ASAP1: variants seen among roughly 807,000 people sequenced by gnomAD.
The protein encoded by ASAP1 is ArfGAP with SH3 domain, ankyrin repeat and PH domain 1.
In ASAP1, 43 loss-of-function variants were observed where a neutral mutation model predicts 145.2. That is an observed-to-expected ratio of 0.30 (90% CI 0.23 to 0.38). The LOEUF (loss-of-function observed/expected upper bound fraction) is 0.38. ASAP1 is among the 10% of genes least tolerant of loss of function. The pLI, the probability that ASAP1 is intolerant of heterozygous loss-of-function variation, is 1.00. For synonymous variants in ASAP1, 546 were observed against 515.5 expected (o/e 1.06, Z -0.80); for missense variants, 1,018 against 1,355.3 (o/e 0.75, Z 3.91).
At chr8:130,057,717 G>C (rs367923041) in intron 29 of ASAP1, among the ~76,000 whole-genome samples, 2 of 152,324 alleles carry the variant, frequency 1.3e-5, no homozygotes, top group African/African-American at 4.8e-5. Flanking sequence ...CAAAGTGCTG[G>C]GATTACAGGC....
At chr8:130,236,609 A>G (rs1401157413) in intron 4 of ASAP1, among the ~76,000 whole-genome samples, 1 of 152,174 alleles carries the variant, frequency 6.6e-6, no homozygotes, top group Non-Finnish European at 1.5e-5. Flanking sequence ...CCACTGAGTT[A>G]CAGGTTGACC....
At chr8:130,437,386 C>T (rs1830349726) in intron 1 of ASAP1, among the ~76,000 whole-genome samples, 1 of 152,174 alleles carries the variant, frequency 6.6e-6, no homozygotes, top group Admixed American at 6.5e-5. Flanking sequence ...TCTACGAGAC[C>T]CTTGTGCTGG....
In ASAP1 at chr8:130,189,578, C is replaced by T. The variant is rs1425912287; in HGVS notation, c.406-1395G>A. Reference sequence around the variant, plus strand: ...TGTTGATGGACACTTAGGTTGATTCCGTATCTTGGCTACTGTGAATAGTGC... The same window carrying T: ...TGTTGATGGACACTTAGGTTGATTCTGTATCTTGGCTACTGTGAATAGTGC... On this transcript the variant is annotated intron_variant, in intron 5 of 29. Transcript: ENST00000518721. Among the ~76,000 whole-genome samples the T allele has an allele frequency of 6.6e-5, 10 of 152,134 alleles. No individual in the cohort carries two copies. In the East Asian group the frequency reaches 7.7e-4, roughly 12 times the overall value.
At chr8:130,150,545 G>A (rs948264113) in intron 13 of ASAP1, among the ~76,000 whole-genome samples, 1 of 152,118 alleles carries the variant, frequency 6.6e-6, no homozygotes, top group Non-Finnish European at 1.5e-5. Flanking sequence ...AAATCCCAGG[G>A]GAGAGCTCTG....
In ASAP1 at chr8:130,205,692, A is replaced by G. The variant is rs573220591; in HGVS notation, c.405+8864T>C. Among the ~76,000 whole-genome samples, 9 of 150,108 alleles carry G rather than the reference A, an allele frequency of 6.0e-5. No homozygotes were observed. In the South Asian group the frequency reaches 1.9e-3, roughly 32 times the overall value. ...TGACTAGACTTGAGGTGGGGCACCT[A>G]ATAGTCTTTATATATCAGACTTCAT... On this transcript the variant is annotated intron_variant, in intron 5 of 29. Transcript: ENST00000518721.
chr8:130,135,093 A>G (rs1565000919), intron 14 of ASAP1, among the ~76,000 whole-genome samples: 2 of 152,194 alleles, frequency 1.3e-5, no homozygotes. Context: ...TTCTCAATAT[A>G]TTCAGGTCAA....
At chr8:130,282,908 A>G (rs1226886777) in intron 3 of ASAP1, among the ~76,000 whole-genome samples, 1 of 152,228 alleles carries the variant, frequency 6.6e-6, no homozygotes, top group Admixed American at 6.5e-5. Context: ...CAAAGTTACA[A>G]CAACCTTCAT....
At chr8:130,231,841 C>T (rs1817925213) in intron 4 of ASAP1, among the ~76,000 whole-genome samples, 1 of 152,214 alleles carries the variant, frequency 6.6e-6, no homozygotes, top group Non-Finnish European at 1.5e-5. Context: ...AAGCTCTTTT[C>T]TCAAGCCACA....
At chr8:130,302,570 T>C (rs1014222137) in intron 3 of ASAP1, among the ~76,000 whole-genome samples, 5 of 152,206 alleles carry the variant, frequency 3.3e-5, no homozygotes, top group African/African-American at 1.2e-4. Flanking sequence ...AAGTTCTTTA[T>C]CCAGATCAGC....
At chr8:130,095,117 T>A (rs2097514488) in intron 24 of ASAP1, among the ~76,000 whole-genome samples, 1 of 152,144 alleles carries the variant, frequency 6.6e-6, no homozygotes, top group African/African-American at 2.4e-5. Context: ...TCTGACTTCC[T>A]TCATATTGCT....
At chr8:130,227,148 A>G (rs1449301420) in intron 4 of ASAP1, among the ~76,000 whole-genome samples, 3 of 152,208 alleles carry the variant, frequency 2.0e-5, no homozygotes, top group Non-Finnish European at 4.4e-5. Flanking sequence ...CTTATAAATT[A>G]TATGTAAAAT....
At chr8:130,178,611 A>C (rs998385915) in intron 9 of ASAP1, among the ~76,000 whole-genome samples, 2 of 152,248 alleles carry the variant, frequency 1.3e-5, no homozygotes, top group African/African-American at 4.8e-5. Flanking sequence ...TGAAGACTCC[A>C]GGTGGAAATA....
rs1024281909 is a variant in ASAP1, at chr8:130,265,437, G to A, written c.187-28443C>T. 2.6e-5 allele frequency among the ~76,000 whole-genome samples: 4 copies of A among 152,062 alleles called. No homozygotes were observed. The South Asian group carries it at 6.2e-4, about 24-fold the overall frequency. On this transcript the variant is annotated intron_variant, in intron 3 of 29. Transcript: ENST00000518721. ...ATTTTTAAAAAAGTAACAGGGTGTGGTGGTACACACCTACAGTCCCAGTGA... is the reference window on the plus strand; with the variant it reads ...ATTTTTAAAAAAGTAACAGGGTGTGATGGTACACACCTACAGTCCCAGTGA...
At chr8:130,344,110 G>C (rs1825556435) in intron 3 of ASAP1, among the ~76,000 whole-genome samples, 1 of 152,170 alleles carries the variant, frequency 6.6e-6, no homozygotes, top group African/African-American at 2.4e-5. Context: ...CAGGGTTGCA[G>C]TCAACACTAT....
At chr8:130,315,020 C>T (rs566064489) in intron 3 of ASAP1, among the ~76,000 whole-genome samples, 13 of 152,210 alleles carry the variant, frequency 8.5e-5, no homozygotes, top group Non-Finnish European at 1.5e-4. Flanking sequence ...CTACTGTCTG[C>T]TCCCGTCACA....
chr8:130,128,191 T>C, intron 15 of ASAP1, 101 bp from the exon 16 acceptor site: 1 of 821,232 alleles, frequency 1.2e-6, no homozygotes, highest in Non-Finnish European at 1.7e-6. Context: ...AAAATCTACT[T>C]TTGTCAAGTA....
At chr8:130,176,825 G>T (rs1813988957) in intron 9 of ASAP1, among the ~76,000 whole-genome samples, 1 of 151,932 alleles carries the variant, frequency 6.6e-6, no homozygotes, top group Non-Finnish European at 1.5e-5. Flanking sequence ...CAAGTAGCTG[G>T]GATTACAGGT....
intron 2 of ASAP1, among the ~76,000 whole-genome samples, chr8:130,400,654 G>T (rs1044174369): frequency 1.3e-5 from 2 of 152,012 alleles, no homozygotes. Context: ...AGCTGGGCGT[G>T]ATGGCAGGCG....
At chr8:130,197,947 TC>T (rs1397282396) in intron 5 of ASAP1, among the ~76,000 whole-genome samples, 1 of 152,108 alleles carries the variant, frequency 6.6e-6, no homozygotes. Flanking sequence ...GTTTTCTTGT[TC>T]AGCCTGCTGC....
Sources: gnomAD v4.1 joint callset for allele counts (sites outside exome capture counted in the v4.1 genomes callset) on GRCh38, gnomAD v4.1.1 for gene constraint, MANE v1.5 for transcripts, NCBI Gene and HGNC (gene_info 2026-07-23, HGNC 2026-07-21) for gene names.